Variants in CD160 observed in about 807,000 individuals in gnomAD.
CD160 encodes the protein CD160 molecule.
CD160 carries 11 observed loss-of-function variants against 19.2 expected under a neutral mutation model. The observed-to-expected ratio is 0.57, with a 90% CI of 0.36 to 0.95. The LOEUF is 0.95. Among genes scored for constraint, CD160 ranks in the 40% least tolerant of loss-of-function variants. The pLI, the probability that CD160 is intolerant of heterozygous loss-of-function variation, is 0.01. For missense variants in CD160, 182 were observed against 213.2 expected, an observed-to-expected ratio of 0.85 and a Z score of 0.91; for synonymous variants, 75 against 81.1, an observed-to-expected ratio of 0.93 and a Z score of 0.40.
At chr1:145,725,195 G>T (rs1315503644) in intron 2 of CD160, among the ~76,000 whole-genome samples, 3 of 151,958 alleles carry the variant, frequency 2.0e-5, no homozygotes, top group African/African-American at 7.2e-5. Context: ...CAAGGTGGGT[G>T]GATCACAAGG....
chr1:145,735,721 G>A (rs1041440323), intron 4 of CD160, among the ~76,000 whole-genome samples: 4 of 152,148 alleles, frequency 2.6e-5, no homozygotes, highest in African/African-American at 9.7e-5. Context: ...AGTCCAAGGC[G>A]ACTAAGCTGT....
chr1:145,720,476 T>C (rs1191924203), intron 1 of CD160, among the ~76,000 whole-genome samples: 1 of 152,166 alleles, frequency 6.6e-6, no homozygotes, highest in Non-Finnish European at 1.5e-5. Flanking sequence ...CAAACCTCTG[T>C]CTACTAACAA....
intron 1 of CD160, among the ~76,000 whole-genome samples, chr1:145,722,951 C>T (rs1553707993): frequency 1.3e-5 from 2 of 152,158 alleles, no homozygotes; most frequent in Non-Finnish European, 2.9e-5. Flanking sequence ...CTAGAGTCTA[C>T]GCTTTTTAAC....
intron 4 of CD160, among the ~76,000 whole-genome samples, chr1:145,735,485 C>A (rs1657444958): frequency 6.6e-6 from 1 of 152,124 alleles, no homozygotes; most frequent in African/African-American, 2.4e-5. Context: ...ACTAGGGAAG[C>A]TGAGGTGGGA....
chr1:145,723,809 CCTGACCTCAGGTGAT>C (rs1656949635), intron 1 of CD160, among the ~76,000 whole-genome samples: 8 of 152,134 alleles, frequency 5.3e-5, no homozygotes, highest in Non-Finnish European at 8.8e-5. Flanking sequence ...GTCTCGAACT[CCTGACCTCAGGTGAT>C]CCGCACGCCT....
chr1:145,727,766 A>C (rs1657110079), intron 2 of CD160, among the ~76,000 whole-genome samples: 1 of 152,240 alleles, frequency 6.6e-6, no homozygotes, highest in Admixed American at 6.5e-5. Context: ...AATGACCAAT[A>C]AGCATATGAA....
intron 1 of CD160, among the ~76,000 whole-genome samples, chr1:145,722,878 G>A (rs912404136): frequency 2.6e-5 from 4 of 152,172 alleles, no homozygotes; most frequent in African/African-American, 7.2e-5. Context: ...ACAGGCGTGA[G>A]ACACCGCGCC....
At chr1:145,725,691 A>G (rs4970874) in intron 2 of CD160, among the ~76,000 whole-genome samples, 42,021 of 152,006 alleles carry the variant, frequency 0.28, 6,764 homozygotes, top group Non-Finnish European at 0.36. Context: ...ATAATAAAAT[A>G]CATCTCATTC....
In CD160 at chr1:145,728,331, C is replaced by G. The variant is rs1657134903; in HGVS notation, c.4C>G (p.Leu2Val). The change falls in exon 3 of 6, where the codon CTG becomes GTG. Residue 2 changes from leucine to valine, a missense_variant. Coordinates refer to ENST00000369288, the MANE Select transcript of CD160 (RefSeq NM_007053.4). M[L>V]LEPGRGCCAL... The stretch of plus-strand genomic sequence containing the variant: ...GGGCCTGCTGACAGCGTGCAGGATG[C>G]TGTTGGAACCCGGCAGAGGCTGCTG... 1 of 1,611,812 alleles carries G rather than the reference C, an allele frequency of 6.2e-7. No homozygotes were observed. The highest frequency in any genetic ancestry group is 8.5e-7 in the Non-Finnish European group (1 of 1,178,746).
At chr1:145,721,408 G>A (rs1215029746) in intron 1 of CD160, among the ~76,000 whole-genome samples, 2 of 152,034 alleles carry the variant, frequency 1.3e-5, no homozygotes, top group Non-Finnish European at 2.9e-5. Flanking sequence ...CTCCCCTCCC[G>A]GGCACCAAGG....
intron 1 of CD160, among the ~76,000 whole-genome samples, chr1:145,719,918 C>T (rs1656762089): frequency 6.6e-6 from 1 of 152,320 alleles, no homozygotes; most frequent in East Asian, 1.9e-4. Flanking sequence ...TGTGAGGCAC[C>T]TCCGGGGGAA....
chr1:145,722,409 C>T (rs1234955700), intron 1 of CD160, among the ~76,000 whole-genome samples: 1 of 152,108 alleles, frequency 6.6e-6, no homozygotes, highest in Non-Finnish European at 1.5e-5. Flanking sequence ...CTCTAGAGAC[C>T]ATTTAACCAC....
At position 145,728,279 on chromosome 1, in the gene CD160, C is replaced by T. The variant is rs2101383172; in HGVS notation, c.-49C>T. 1 of 1,406,614 alleles carries T rather than the reference C, an allele frequency of 7.1e-7. No individual in the cohort carries two copies. Among genetic ancestry groups the T allele is most frequent in the East Asian group, 2.3e-5 (1 of 43,960 alleles). The allele number at this position is 1,406,614 out of a possible 1,614,324, so 87.1% of individuals were successfully genotyped here. A position where few individuals can be genotyped will look rare whatever the true frequency, so the allele number is the denominator to read the frequency against. ...AGGAGACTGAAGCCAAGGATACCAG[C>T]AGAGCCAACATTTGCTTCAAGTTCC... On this transcript the variant is annotated 5_prime_UTR_variant, in exon 3 of 6. Transcript: ENST00000369288.
chr1:145,732,707 A>C (rs1269613555), intron 4 of CD160, among the ~76,000 whole-genome samples: 1 of 152,240 alleles, frequency 6.6e-6, no homozygotes, highest in East Asian at 1.9e-4. Flanking sequence ...CAGTAAAAAA[A>C]TAAAATCAGG....
chr1:145,720,891 G>A (rs782667561), intron 1 of CD160, among the ~76,000 whole-genome samples: 6 of 152,170 alleles, frequency 3.9e-5, no homozygotes, highest in Non-Finnish European at 5.9e-5. Flanking sequence ...CCGAAGGTGC[G>A]GGAGGGAAGA....
intron 4 of CD160, among the ~76,000 whole-genome samples, chr1:145,734,530 T>C (rs1261632766): frequency 2.0e-5 from 3 of 152,352 alleles, no homozygotes; most frequent in African/African-American, 7.2e-5. Context: ...ACTGCACTAG[T>C]GGATACTCCT....
intron 1 of CD160, among the ~76,000 whole-genome samples, chr1:145,721,536 A>G (rs1559089126): frequency 1.3e-5 from 2 of 151,570 alleles, no homozygotes; most frequent in East Asian, 3.9e-4. Flanking sequence ...AAGTCTGGCC[A>G]CTCCAGCGGA....
chr1:145,732,771 C>A lies in CD160; in HGVS notation c.400+1701C>A, dbSNP rs587751043. On this transcript the variant is annotated intron_variant, in intron 4 of 5. Coordinates refer to ENST00000369288, the MANE Select transcript of CD160 (RefSeq NM_007053.4). ...AAACATAGCGCACAACTTGATTTTG[C>A]AAAAAATAACACAGAATCCAAATTA... Among the ~76,000 whole-genome samples, 21 of 152,094 alleles carry A rather than the reference C, an allele frequency of 1.4e-4. No homozygotes were observed. In the South Asian group the frequency reaches 3.7e-3, roughly 27 times the overall value.
rs78982084 is a variant in CD160 at position 145,731,658 on chromosome 1, G to A, written c.400+588G>A. On this transcript the variant is annotated intron_variant, in intron 4 of 5. Coordinates refer to ENST00000369288, the MANE Select transcript of CD160 (RefSeq NM_007053.4). ...GCACTCTATCTTGGGCAACTAGAGC[G>A]AAACTGTGTCTCAAAAAAATAAAAA... is the stretch of plus-strand genomic sequence containing the variant. 1.0e-3 allele frequency among the ~76,000 whole-genome samples: 155 copies of A among 152,206 alleles called. 2 individuals are homozygous for A. Among genetic ancestry groups the A allele is most frequent in the African/African-American group, 3.2e-3 (134 of 41,526 alleles).
Sources: allele counts gnomAD v4.1 joint callset (sites outside exome capture counted in the v4.1 genomes callset), GRCh38; gene constraint gnomAD v4.1.1; transcripts MANE v1.5; gene names NCBI Gene and HGNC (gene_info 2026-07-23, HGNC 2026-07-21).